Variants in C8orf76 observed in about 807,000 individuals in gnomAD.
The protein encoded by C8orf76 is uncharacterized protein C8orf76.
Under a neutral mutation model 38.1 loss-of-function variants are expected in C8orf76, and 46 were observed. The ratio of observed to expected loss-of-function variants is 1.21; its 90% CI spans 0.95 to 1.54. C8orf76 has a LOEUF of 1.54. Ranked by LOEUF, C8orf76 falls within the 40% of genes most tolerant of loss-of-function variation. The pLI is 0.00. For synonymous variants in C8orf76, 166 were observed against 167.5 expected (o/e 0.99, Z 0.07); for missense variants, 461 against 441.6 (o/e 1.04, Z -0.39).
Position 123,239,064 on chromosome 8 carries a change from T to C in C8orf76, c.198A>G (p.Arg66=), listed in dbSNP as rs371410196. 6.2e-6 allele frequency: 10 copies of C among 1,614,022 alleles called. No individual in the cohort carries two copies. The African/African-American group carries it at 1.2e-4, about 19-fold the overall frequency. ...LKKFKGDLAY[R]RQEYQKALQE... is the part of the protein sequence containing the mutation. The stretch of plus-strand genomic sequence containing the variant: ...TGAATTCTACCTGATACTCTTGTCG[T>C]CTGTAGGCCAGGTCTCCTTTGAATT... The change falls in exon 2 of 6, where the codon AGA becomes AGG. Residue 66 remains arginine (R), a synonymous_variant. Coordinates refer to ENST00000276704, the MANE Select transcript of C8orf76 (RefSeq NM_032847.3).
At chr8:123,225,093 C>T (rs1300867323) in intron 5 of C8orf76, among the ~76,000 whole-genome samples, 1 of 152,176 alleles carries the variant, frequency 6.6e-6, no homozygotes, top group Non-Finnish European at 1.5e-5. Flanking sequence ...GCAACCTCCA[C>T]CTCCCGGGTT....
intron 5 of C8orf76, among the ~76,000 whole-genome samples, chr8:123,223,480 C>T (rs536388054): frequency 5.3e-5 from 8 of 152,216 alleles, no homozygotes; most frequent in South Asian, 2.1e-4. Flanking sequence ...TGGTGGCACA[C>T]GCCTGTAGTC....
intron 5 of C8orf76, among the ~76,000 whole-genome samples, chr8:123,225,441 A>T (rs1825010877): frequency 6.6e-6 from 1 of 152,226 alleles, no homozygotes; most frequent in Admixed American, 6.5e-5. Flanking sequence ...CTGGAGAGTA[A>T]TCAACCCAGA....
chr8:123,226,147 G>A (rs531068125), intron 5 of C8orf76: 10 of 1,080,266 alleles, frequency 9.3e-6, no homozygotes, highest in Non-Finnish European at 1.1e-5. Context: ...TTCACAAGCT[G>A]TTATGATGAA....
chr8:123,226,090 C>A, intron 5 of C8orf76: 2 of 968,708 alleles, frequency 2.1e-6, no homozygotes, highest in Non-Finnish European at 2.5e-6. Context: ...AATCTGACCG[C>A]AGGCAAGTCA....
At chr8:123,229,372 T>A (rs1425957987) in intron 4 of C8orf76, among the ~76,000 whole-genome samples, 1 of 152,146 alleles carries the variant, frequency 6.6e-6, no homozygotes, top group East Asian at 1.9e-4. Context: ...TCATGAGGAT[T>A]AAAATGAAAT....
intron 2 of C8orf76, 48 bp from the exon 3 acceptor site, chr8:123,237,989 A>G: frequency 6.3e-7 from 1 of 1,580,618 alleles, no homozygotes; most frequent in Non-Finnish European, 8.6e-7. Context: ...AAAACATAAC[A>G]GAAAAAAGGA....
Position 123,239,094 on chromosome 8 carries a change from G to A in C8orf76, c.168C>T (p.Leu56=), listed in dbSNP as rs374843957. The A allele has an allele frequency of 1.2e-6, 2 of 1,613,942 alleles. No homozygotes were observed. The highest frequency in any genetic ancestry group is 2.7e-5 in the African/African-American group (2 of 74,900). The change falls in exon 2 of 6, where the codon CTC becomes CTT. Residue 56 remains leucine, a synonymous_variant. Coordinates refer to ENST00000276704, the MANE Select transcript of C8orf76 (RefSeq NM_032847.3). ...AGGCCAGGTCTCCTTTGAATTTCTTGAGAGTCAGCACTTCAACATCATCAC... is the reference window on the plus strand; with the variant it reads ...AGGCCAGGTCTCCTTTGAATTTCTTAAGAGTCAGCACTTCAACATCATCAC... ...ESSDDVEVLT[L]KKFKGDLAYR...
intron 3 of C8orf76, among the ~76,000 whole-genome samples, chr8:123,234,902 C>G (rs1825404371): frequency 6.6e-6 from 1 of 152,148 alleles, no homozygotes; most frequent in Non-Finnish European, 1.5e-5. Flanking sequence ...GAGGAGGCTG[C>G]AGTGAGCCAA....
chr8:123,228,073 G>A (rs1048553184), intron 4 of C8orf76, among the ~76,000 whole-genome samples: 1 of 152,114 alleles, frequency 6.6e-6, no homozygotes, highest in East Asian at 1.9e-4. Flanking sequence ...TCAGCGGAAG[G>A]CACCACCATC....
chr8:123,230,296 T>C (rs1042178695), intron 4 of C8orf76, among the ~76,000 whole-genome samples: 7 of 152,220 alleles, frequency 4.6e-5, no homozygotes, highest in African/African-American at 1.4e-4. Context: ...TTAAGCATCA[T>C]CTACTCCCAT....
chr8:123,231,248 G>A (rs1825258034), intron 4 of C8orf76, 52 bp downstream of exon 4: 18 of 1,526,756 alleles, frequency 1.2e-5, no homozygotes, highest in Non-Finnish European at 1.5e-5. Flanking sequence ...AGAAAATAAA[G>A]CCTTTACTCT....
chr8:123,228,655 A>G (rs1825132353), intron 4 of C8orf76, among the ~76,000 whole-genome samples: 1 of 151,972 alleles, frequency 6.6e-6, no homozygotes, highest in South Asian at 2.1e-4. Flanking sequence ...ACACACACAC[A>G]CACACAGGTC....
At chr8:123,226,806 C>T (rs941946160) in intron 4 of C8orf76, among the ~76,000 whole-genome samples, 174 bp from the exon 5 acceptor site, 2 of 152,154 alleles carry the variant, frequency 1.3e-5, no homozygotes, top group South Asian at 2.1e-4. Context: ...CTAAAGCTTC[C>T]GACTTGGAAT....
intron 4 of C8orf76, among the ~76,000 whole-genome samples, chr8:123,228,082 T>C (rs778943296): frequency 5.3e-5 from 8 of 152,236 alleles, no homozygotes; most frequent in Non-Finnish European, 8.8e-5. Flanking sequence ...GGCACCACCA[T>C]CCACCTGTGC....
At chr8:123,229,404 A>G (rs1382909836) in intron 4 of C8orf76, among the ~76,000 whole-genome samples, 2 of 152,172 alleles carry the variant, frequency 1.3e-5, no homozygotes, top group Non-Finnish European at 2.9e-5. Flanking sequence ...AGCATCTAGC[A>G]CTCAGTCAAC....
chr8:123,232,905 T>C (rs545875870), intron 3 of C8orf76, among the ~76,000 whole-genome samples: 1 of 152,348 alleles, frequency 6.6e-6, no homozygotes, highest in Non-Finnish European at 1.5e-5. Flanking sequence ...GTTTGAGTAA[T>C]GACTTTTCTA....
At chr8:123,226,417 C>T (rs537387516) in intron 5 of C8orf76, 83 bp downstream of exon 5, 2 of 1,567,042 alleles carry the variant, frequency 1.3e-6, no homozygotes, top group Admixed American at 2.0e-5. Flanking sequence ...TTAAATTTGG[C>T]CCTGCTTTAT....
At chr8:123,227,203 C>T (rs1275915249) in intron 4 of C8orf76, among the ~76,000 whole-genome samples, 1 of 151,928 alleles carries the variant, frequency 6.6e-6, no homozygotes, top group Non-Finnish European at 1.5e-5. Context: ...CTGTCATGAT[C>T]ATAGCTGGTC....
Sources: gnomAD v4.1 joint callset for allele counts (sites outside exome capture counted in the v4.1 genomes callset) on GRCh38, gnomAD v4.1.1 for gene constraint, MANE v1.5 for transcripts, NCBI Gene and HGNC (gene_info 2026-07-23, HGNC 2026-07-21) for gene names.